Variants in RAPGEF6 observed in about 807,000 individuals in gnomAD.
RAPGEF6 encodes PDZ domain containing guanine nucleotide exchange factor (GEF) 2.
Under a neutral mutation model 171.4 loss-of-function variants are expected in RAPGEF6, and 56 were observed. That is an observed-to-expected ratio of 0.33 (90% CI 0.26 to 0.41). The LOEUF is 0.41. Ranked by LOEUF, RAPGEF6 falls within the 10% of genes least tolerant of loss-of-function variation. The probability of loss-of-function intolerance (pLI) is 1.00; values close to 1 mark genes in which losing one functional copy is unlikely to be tolerated. For missense variants in RAPGEF6, 1,674 were observed against 1,921.4 expected (o/e 0.87, Z 2.41); for synonymous variants, 692 against 650.1 (o/e 1.06, Z -0.98).
Position 131,431,077 on chromosome 5 carries a change from C to G in RAPGEF6, c.4247G>C (p.Ser1416Thr), listed in dbSNP as rs770543961. Reference sequence around the variant, plus strand: ...ACACTGCCCACAAGTTCTAGAGCAGCTTTTAGAACAGGAATAGGGCTCAGA... The same window carrying G: ...ACACTGCCCACAAGTTCTAGAGCAGGTTTTAGAACAGGAATAGGGCTCAGA... ...TDSEPYSCSK[S>T]CSRTCGQCKG... is the part of the protein sequence containing the mutation. Residue 1416 changes from serine (S) to threonine (T), a missense_variant, in exon 26 of 28, where the codon AGC becomes ACC. Around this residue, in one of 3 missense-constraint regions of RAPGEF6, gnomAD observed 552 missense variants for 574.2 expected, o/e 0.96. Transcript: ENST00000509018. 2.5e-6 allele frequency: 4 copies of G among 1,614,162 alleles called. No individual in the cohort carries two copies. The Admixed American group carries it at 5.0e-5, about 20-fold the overall frequency.
intron 1 of RAPGEF6, among the ~76,000 whole-genome samples, chr5:131,619,942 G>T (rs562065544): frequency 1.7e-4 from 26 of 152,212 alleles, no homozygotes; most frequent in Middle Eastern, 3.4e-3. Context: ...TGTAAAATGT[G>T]GATAATAATA....
intron 4 of RAPGEF6, among the ~76,000 whole-genome samples, chr5:131,567,197 GGTCA>G (rs1326538825): frequency 1.3e-5 from 2 of 150,154 alleles, no homozygotes; most frequent in South Asian, 4.2e-4. Flanking sequence ...TTTTTTTCAT[GGTCA>G]GTCTAACTCA....
chr5:131,634,879 G>A (rs1766540210), intron 1 of RAPGEF6, 83 bp downstream of exon 1: 1 of 1,479,440 alleles, frequency 6.8e-7, no homozygotes. Flanking sequence ...TCTGGCAAGA[G>A]GGCAGTCGCC....
intron 4 of RAPGEF6, among the ~76,000 whole-genome samples, chr5:131,580,325 G>A (rs6878824): frequency 0.066 from 9,996 of 152,162 alleles, 795 homozygotes; most frequent in African/African-American, 0.19. Context: ...CGGTCACTCC[G>A]AGTGTGGGGC....
chr5:131,572,272 C>G (rs540597952), intron 4 of RAPGEF6, among the ~76,000 whole-genome samples: 2 of 152,272 alleles, frequency 1.3e-5, no homozygotes, highest in South Asian at 4.2e-4. Flanking sequence ...ATCAGACCAG[C>G]CAGTCCAAGG....
intron 4 of RAPGEF6, among the ~76,000 whole-genome samples, chr5:131,578,869 C>T (rs1282196269): frequency 6.6e-6 from 1 of 152,136 alleles, no homozygotes; most frequent in Non-Finnish European, 1.5e-5. Flanking sequence ...CTTTGCTCCC[C>T]CTGCTCATCT....
chr5:131,531,392 T>C (rs2149925228), intron 6 of RAPGEF6, among the ~76,000 whole-genome samples: 1 of 152,336 alleles, frequency 6.6e-6, no homozygotes, highest in East Asian at 1.9e-4. Flanking sequence ...ATAGCCACTG[T>C]GTATAATAAA....
At chr5:131,439,388 A>G (rs1210504863) in intron 24 of RAPGEF6, among the ~76,000 whole-genome samples, 193 bp downstream of exon 24, 1 of 152,206 alleles carries the variant, frequency 6.6e-6, no homozygotes, top group East Asian at 1.9e-4. Context: ...TGAATACTGG[A>G]GTCCTAGTTA....
At chr5:131,623,764 C>T (rs1006298050) in intron 1 of RAPGEF6, among the ~76,000 whole-genome samples, 11 of 152,104 alleles carry the variant, frequency 7.2e-5, no homozygotes, top group South Asian at 2.1e-4. Context: ...GGATTACAGG[C>T]GTGAGCCACT....
intron 19 of RAPGEF6, among the ~76,000 whole-genome samples, chr5:131,460,695 C>A (rs532889152): frequency 9.2e-5 from 14 of 152,238 alleles, no homozygotes; most frequent in Admixed American, 5.9e-4. Context: ...ACAGGTGCAG[C>A]TGATTCTAAA....
chr5:131,504,666 A>C lies in RAPGEF6; in HGVS notation c.1214T>G (p.Leu405Arg). ...EIVMVHEHRE[L>R]DRSGTRKGHI... ...TCCTTTCCTGGTTCCACTCCGGTCT[A>C]GTTCCCGATGCTCATGTACCATAAC... The change falls in exon 11 of 28, where the codon CTA (leucine) becomes CGA (arginine). Residue 405 changes from leucine (L) to arginine (R), a missense_variant. This residue lies in a region of RAPGEF6 where 1,116 missense variants were observed against 1,321.5 expected (regional missense o/e 0.84). Transcript: ENST00000509018. 6.2e-7 allele frequency: 1 copy of C among 1,613,254 alleles called. No individual in the cohort carries two copies. The highest frequency in any genetic ancestry group is 8.5e-7 in the Non-Finnish European group (1 of 1,179,764).
In RAPGEF6 at chr5:131,603,330, A is replaced by AT; in HGVS notation, c.141-4dup. 2 of 1,532,516 alleles carry AT rather than the reference A, an allele frequency of 1.3e-6. No homozygotes were observed. Among genetic ancestry groups the AT allele is most frequent in the Non-Finnish European group, 1.8e-6 (2 of 1,140,982 alleles). 94.9% of individuals were successfully genotyped at this position (1,532,516 alleles called of 1,614,324 possible). A position where few individuals can be genotyped will look rare whatever the true frequency, so the allele number is the denominator to read the frequency against. Reference sequence around the variant, plus strand: ...AGCGTGCTCTTGCAGACATTAATCTATTAAAAAAAAAAATTGAAGATTTTA... The same window carrying AT: ...AGCGTGCTCTTGCAGACATTAATCTATTTAAAAAAAAAAATTGAAGATTTTA... On this transcript the variant is annotated splice_region_variant and splice_polypyrimidine_tract_variant and intron_variant, in intron 2 of 27. Coordinates refer to ENST00000509018, the MANE Select transcript of RAPGEF6 (RefSeq NM_016340.6).
chr5:131,592,508 C>A, intron 3 of RAPGEF6, 42 bp from the exon 4 acceptor site: 1 of 1,594,648 alleles, frequency 6.3e-7, no homozygotes, highest in Admixed American at 1.7e-5. Flanking sequence ...AAACAACACA[C>A]ATGTTCATAT....
chr5:131,592,311 A>C (rs1473164788), intron 4 of RAPGEF6, 72 bp downstream of exon 4: 8 of 1,561,038 alleles, frequency 5.1e-6, no homozygotes, highest in Non-Finnish European at 6.9e-6. Context: ...TCACTTACTG[A>C]AAGAAAATAT....
At chr5:131,456,645 A>G (rs551608563) in intron 19 of RAPGEF6, among the ~76,000 whole-genome samples, 3 of 152,334 alleles carry the variant, frequency 2.0e-5, no homozygotes, top group African/African-American at 7.2e-5. Flanking sequence ...TTACCTCTAC[A>G]GTACCATCAC....
At chr5:131,624,302 G>C (rs1765772573) in intron 1 of RAPGEF6, among the ~76,000 whole-genome samples, 1 of 152,162 alleles carries the variant, frequency 6.6e-6, no homozygotes, top group African/African-American at 2.4e-5. Flanking sequence ...AAAATTCAAA[G>C]GCCAGTGACA....
At chr5:131,621,909 G>A (rs768811620) in intron 1 of RAPGEF6, among the ~76,000 whole-genome samples, 65 of 152,052 alleles carry the variant, frequency 4.3e-4, no homozygotes, top group Non-Finnish European at 7.4e-4. Context: ...ACAAACTTCT[G>A]AGCACCTGAT....
chr5:131,600,547 A>AG (rs2150011873), intron 3 of RAPGEF6, among the ~76,000 whole-genome samples: 1 of 117,762 alleles, frequency 8.5e-6, no homozygotes, highest in African/African-American at 3.4e-5. Context: ...GAAGGAAGGA[A>AG]GGAAGGGAGG....
chr5:131,504,182 G>A (rs976048350), intron 11 of RAPGEF6, among the ~76,000 whole-genome samples: 4 of 152,270 alleles, frequency 2.6e-5, no homozygotes, highest in Non-Finnish European at 5.9e-5. Context: ...CCATCTTAGA[G>A]ATCAGGCATG....
Sources: allele counts gnomAD v4.1 joint callset (sites outside exome capture counted in the v4.1 genomes callset), GRCh38; gene constraint gnomAD v4.1.1; regional missense constraint gnomAD v4.1.1; transcripts MANE v1.5; gene names NCBI Gene and HGNC (gene_info 2026-07-23, HGNC 2026-07-21).